The following PDZD2 variants were observed in gnomAD, a reference collection of about 807,000 sequenced individuals.
PDZD2 encodes the protein PDZ domain containing 2, also known as PDZ domain-containing protein 2.
In PDZD2, 90 loss-of-function variants were observed where a neutral mutation model predicts 220.7. The observed-to-expected ratio is 0.41, with a 90% confidence interval of 0.34 to 0.49. The LOEUF is 0.49. PDZD2 is among the 20% of genes least tolerant of loss of function. The pLI is 0.28. For synonymous variants in PDZD2, 1,375 were observed against 1,450.5 expected (o/e 0.95, Z 1.18); for missense variants, 3,174 against 3,608.5 (o/e 0.88, Z 3.08).
intron 14 of PDZD2, among the ~76,000 whole-genome samples, chr5:32,064,904 G>A (rs1740074601): frequency 6.6e-6 from 1 of 152,186 alleles, no homozygotes; most frequent in Admixed American, 6.5e-5. Flanking sequence ...GGAGATGGAG[G>A]TTGCAGTGAG....
intron 1 of PDZD2, among the ~76,000 whole-genome samples, chr5:31,674,016 C>T (rs1163857001): frequency 6.6e-6 from 1 of 152,182 alleles, no homozygotes; most frequent in Non-Finnish European, 1.5e-5. Context: ...TCCTCTCTCT[C>T]TTCACCATTG....
chr5:31,763,881 A>T (rs1751817288), intron 1 of PDZD2, among the ~76,000 whole-genome samples: 1 of 152,098 alleles, frequency 6.6e-6, no homozygotes, highest in Non-Finnish European at 1.5e-5. Context: ...AAAAAAAAAA[A>T]AAAAAAAGTC....
intron 1 of PDZD2, among the ~76,000 whole-genome samples, chr5:31,700,187 G>A (rs929268499): frequency 3.3e-5 from 5 of 152,168 alleles, no homozygotes; most frequent in Non-Finnish European, 5.9e-5. Flanking sequence ...ACCATATGAT[G>A]AGAAGGCAAG....
At chr5:31,938,674 T>C (rs1255630150) in intron 2 of PDZD2, among the ~76,000 whole-genome samples, 1 of 152,020 alleles carries the variant, frequency 6.6e-6, no homozygotes, top group African/African-American at 2.4e-5. Context: ...AAAAAAAAGA[T>C]GTTTTTTGCA....
chr5:31,712,434 T>C (rs1448002910), intron 1 of PDZD2, among the ~76,000 whole-genome samples: 1 of 146,384 alleles, frequency 6.8e-6, no homozygotes, highest in African/African-American at 2.6e-5. Context: ...GCTGGGGCAC[T>C]GGGATGGCTG....
Position 31,981,925 on chromosome 5 carries a change from G to A in PDZD2, c.477-1230G>A, listed in dbSNP as rs150938390. 1.2e-3 allele frequency among the ~76,000 whole-genome samples: 189 copies of A among 152,172 alleles called. 1 individual carries two copies. The highest frequency in any genetic ancestry group is 4.2e-3 in the African/African-American group (176 of 41,520). On this transcript the variant is annotated intron_variant, in intron 2 of 24. Transcript: ENST00000438447. ...TCATTTGATGTTGTATTTTCTTATC[G>A]TTCTTTAAGATCTGGAGCAGTTATC... is the stretch of plus-strand genomic sequence containing the variant.
chr5:31,923,285 A>G, intron 2 of PDZD2: 1 of 577,388 alleles, frequency 1.7e-6, no homozygotes, highest in Non-Finnish European at 3.1e-6. Context: ...AGATAAGTAA[A>G]AATAAAAATA....
intron 2 of PDZD2, among the ~76,000 whole-genome samples, chr5:31,893,706 T>G (rs930050368): frequency 6.6e-6 from 1 of 152,178 alleles, no homozygotes; most frequent in Non-Finnish European, 1.5e-5. Context: ...TGTAGGCTCT[T>G]ATTCTATTCT....
chr5:31,826,435 AG>A (rs1234077008), intron 2 of PDZD2, among the ~76,000 whole-genome samples: 1 of 152,068 alleles, frequency 6.6e-6, no homozygotes, highest in African/African-American at 2.4e-5. Context: ...CACTTTGGGA[AG>A]CCGAGGCGGG....
chr5:32,041,082 C>T (rs1229484730), intron 7 of PDZD2, among the ~76,000 whole-genome samples: 14 of 147,060 alleles, frequency 9.5e-5, no homozygotes, highest in Admixed American at 7.4e-4. Context: ...CGCCTCTGTC[C>T]GGCCGCCCCA....
At chr5:31,663,195 G>T (rs1028078117) in intron 1 of PDZD2, among the ~76,000 whole-genome samples, 1 of 152,168 alleles carries the variant, frequency 6.6e-6, no homozygotes. Context: ...TCCATTAATA[G>T]TAAAAGACTT....
chr5:31,857,907 A>G (rs2150308206), intron 2 of PDZD2, among the ~76,000 whole-genome samples: 1 of 152,084 alleles, frequency 6.6e-6, no homozygotes, highest in South Asian at 2.1e-4. Context: ...GCTCACTGCA[A>G]CCCCTGTCTC....
In PDZD2 at chr5:32,110,227, G is replaced by C. The variant is rs1443666006; in HGVS notation, c.*2092G>C. 3.9e-5 allele frequency: 6 copies of C among 152,632 alleles called. No homozygotes were observed. Among genetic ancestry groups the C allele is most frequent in the Non-Finnish European group, 7.3e-5 (5 of 68,032 alleles). 9.5% of individuals were successfully genotyped at this position (152,632 alleles called of 1,614,324 possible). ...CTATGTGAACAGACAGGAATTTCTT[G>C]TGCAATGTGGAGCAAATGGAATGGT... On this transcript the variant is annotated 3_prime_UTR_variant, in exon 25 of 25. Transcript: ENST00000438447.
chr5:32,013,272 A>T (rs1347514952), intron 6 of PDZD2, among the ~76,000 whole-genome samples: 1 of 151,888 alleles, frequency 6.6e-6, no homozygotes, highest in Non-Finnish European at 1.5e-5. Flanking sequence ...AAATTTTTTT[A>T]AATGTAATTT....
chr5:32,070,852 G>A (rs565294287), intron 15 of PDZD2, among the ~76,000 whole-genome samples: 49 of 152,124 alleles, frequency 3.2e-4, no homozygotes, highest in African/African-American at 1.2e-3. Context: ...GAAAGTAGCC[G>A]GATGTGGTGG....
intron 23 of PDZD2, chr5:32,099,523 C>T (rs1744053678): frequency 6.6e-6 from 1 of 152,296 alleles, no homozygotes; most frequent in African/African-American, 2.4e-5. Flanking sequence ...CCCCAGTCTT[C>T]CTTCTGTGTC....
chr5:31,931,664 C>A (rs1745304270), intron 2 of PDZD2, among the ~76,000 whole-genome samples: 1 of 152,168 alleles, frequency 6.6e-6, no homozygotes, highest in Non-Finnish European at 1.5e-5. Context: ...CCCTCCAAGG[C>A]CCACCCTGGC....
chr5:32,019,173 A>T (rs1186828398), intron 6 of PDZD2, among the ~76,000 whole-genome samples: 1 of 124,172 alleles, frequency 8.1e-6, no homozygotes, highest in South Asian at 2.5e-4. Flanking sequence ...ACAGGGTCTC[A>T]CTCTGTTGCC....
intron 2 of PDZD2, among the ~76,000 whole-genome samples, chr5:31,931,412 C>G (rs565001591): frequency 3.0e-4 from 45 of 152,314 alleles, no homozygotes; most frequent in Non-Finnish European, 5.3e-4. Context: ...CCTGCCTTGA[C>G]CTCCCAAAGT....
Sources: allele counts gnomAD v4.1 joint callset (sites outside exome capture counted in the v4.1 genomes callset), GRCh38; gene constraint gnomAD v4.1.1; transcripts MANE v1.5; gene names NCBI Gene and HGNC (gene_info 2026-07-23, HGNC 2026-07-21).